AGL: variants seen among roughly 807,000 people sequenced by gnomAD.
AGL encodes the protein amylo-alpha-1,6-glucosidase and 4-alpha-glucanotransferase.
In AGL, 128 loss-of-function variants were observed where a neutral mutation model predicts 199.3. The observed-to-expected ratio is 0.64, with a 90% CI of 0.56 to 0.74. The LOEUF (loss-of-function observed/expected upper bound fraction) is 0.74, where lower values mean the gene tolerates loss of function less well. AGL is among the 30% of genes least tolerant of loss of function. AGL has a pLI of 0.00. For synonymous variants in AGL, 584 were observed against 594.7 expected (o/e 0.98, Z 0.26); for missense variants, 1,809 against 1,820.8 (o/e 0.99, Z 0.12).
chr1:99,850,896 C>T lies in AGL; in HGVS notation c.-68-79C>T. 4.0e-6 allele frequency: 3 copies of T among 745,982 alleles called. No individual in the cohort carries two copies. In the Admixed American group the frequency reaches 5.8e-5, roughly 14 times the overall value. The allele number at this position is 745,982 out of a possible 1,614,324, so 46.2% of individuals were successfully genotyped here. ...TGCTAGGCATAAAACACACTTCGAA[C>T]ATGTAAGTGCCGCTGTCAGCTCTGG... On this transcript the variant is annotated intron_variant, in intron 1 of 33. Coordinates refer to ENST00000361915, the MANE Select transcript of AGL (RefSeq NM_000642.3).
intron 4 of AGL, 44 bp downstream of exon 4, chr1:99,862,467 G>A (rs754768984): frequency 5.6e-6 from 9 of 1,595,666 alleles, no homozygotes; most frequent in Non-Finnish European, 7.7e-6. Context: ...AAAAATAAAT[G>A]TAATTATCCT....
At chr1:99,879,109 C>T (rs1651802424) in intron 12 of AGL, among the ~76,000 whole-genome samples, 1 of 152,038 alleles carries the variant, frequency 6.6e-6, no homozygotes, top group Non-Finnish European at 1.5e-5. Context: ...GTAAATCACA[C>T]AAGTGGAAAT....
chr1:99,858,873 CTTTTATA>C (rs1649793433), intron 2 of AGL, among the ~76,000 whole-genome samples: 2 of 151,792 alleles, frequency 1.3e-5, no homozygotes, highest in African/African-American at 4.8e-5. Context: ...ATTAAGTTAA[CTTTTATA>C]TTTTATAATT....
Position 99,910,785 on chromosome 1 carries a change from A to G in AGL, c.3774A>G (p.Thr1258=), listed in dbSNP as rs369393783. The G allele has an allele frequency of 5.0e-6, 8 of 1,613,252 alleles. 1 individual carries two copies. The highest frequency in any genetic ancestry group is 4.4e-5 in the South Asian group (4 of 91,028). ...VYGGNRFNCG[T]WMDKMGESDR... ...GAGGAAATCGTTTCAATTGTGGCACATGGATGGATAAAATGGGAGAAAGTG... is the reference window on the plus strand; with the variant it reads ...GAGGAAATCGTTTCAATTGTGGCACGTGGATGGATAAAATGGGAGAAAGTG... The change falls in exon 28 of 34, where the codon ACA becomes ACG. Residue 1258 remains threonine (T), a synonymous_variant. Coordinates refer to ENST00000361915, the MANE Select transcript of AGL (RefSeq NM_000642.3).
Position 99,894,160 on chromosome 1 carries a change from C to G in AGL, c.3259+1553C>G, listed in dbSNP as rs570460878. 6.1e-4 allele frequency among the ~76,000 whole-genome samples: 92 copies of G among 151,860 alleles called. 3 individuals carry two copies. In the South Asian group the frequency reaches 0.019, roughly 32 times the overall value. On this transcript the variant is annotated intron_variant, in intron 24 of 33. Coordinates refer to ENST00000361915, the MANE Select transcript of AGL (RefSeq NM_000642.3). ...CTATGATCACACCACTGCACTGCAGCCTGGGTGACAGAGGAGACCCTGTCT... is the reference window on the plus strand; with the variant it reads ...CTATGATCACACCACTGCACTGCAGGCTGGGTGACAGAGGAGACCCTGTCT...
At chr1:99,865,678 C>G (rs891121495) in intron 5 of AGL, among the ~76,000 whole-genome samples, 15 of 152,164 alleles carry the variant, frequency 9.9e-5, no homozygotes, top group Non-Finnish European at 1.5e-4. Flanking sequence ...TTGGAAACCA[C>G]TGATTTGCAT....
intron 28 of AGL, among the ~76,000 whole-genome samples, chr1:99,911,131 G>A (rs572032170): frequency 8.5e-5 from 13 of 152,258 alleles, no homozygotes; most frequent in East Asian, 3.9e-4. Context: ...AGACATTTTC[G>A]TAACCTGAAC....
In AGL at chr1:99,921,563, C is replaced by A. The variant is rs1460834864; in HGVS notation, c.4511C>A (p.Thr1504Asn). 6.2e-7 allele frequency: 1 copy of A among 1,612,836 alleles called. No individual in the cohort carries two copies. Among genetic ancestry groups the A allele is most frequent in the South Asian group, 1.1e-5 (1 of 91,062 alleles). Residue 1504 changes from threonine (T) to asparagine (N), a missense_variant, in exon 34 of 34, where the codon ACC becomes AAC. Thr to Asn is a moderately conservative substitution (Grantham distance 65, BLOSUM62 0). Coordinates refer to ENST00000361915, the MANE Select transcript of AGL (RefSeq NM_000642.3). ...CCTTGGAAAGGACTTCCAGAACTGA[C>A]CAATGAGAATGCCCAGTACTGTCCT... ...RSPWKGLPEL[T>N]NENAQYCPFS...
chr1:99,894,589 T>C (rs1451897485), intron 24 of AGL, among the ~76,000 whole-genome samples: 1 of 152,186 alleles, frequency 6.6e-6, no homozygotes, highest in African/African-American at 2.4e-5. Context: ...GGGGAAATTT[T>C]GTACCGTCAT....
At chr1:99,856,004 T>G (rs1040306615) in intron 2 of AGL, among the ~76,000 whole-genome samples, 1 of 152,220 alleles carries the variant, frequency 6.6e-6, no homozygotes, top group Non-Finnish European at 1.5e-5. Flanking sequence ...AATAATAGTT[T>G]AATCACTCAT....
chr1:99,864,291 A>T, intron 4 of AGL, 95 bp from the exon 5 acceptor site: 1 of 1,155,792 alleles, frequency 8.7e-7, no homozygotes, highest in Non-Finnish European at 1.3e-6. Flanking sequence ...TGCTATTTAT[A>T]ATTACTTAAG....
At chr1:99,920,668 A>AT (rs965188386) in intron 33 of AGL, among the ~76,000 whole-genome samples, 8 of 152,078 alleles carry the variant, frequency 5.3e-5, no homozygotes, top group African/African-American at 9.7e-5. Flanking sequence ...TAATGGGATT[A>AT]TTTTTTCCCA....
rs149393587 is a variant in AGL, at chr1:99,900,657, G to A, written c.3384G>A (p.Ala1128=). The change falls in exon 26 of 34, where the codon GCG becomes GCA. Residue 1128 remains alanine, a synonymous_variant. Coordinates refer to ENST00000361915, the MANE Select transcript of AGL (RefSeq NM_000642.3). ...VEARNIILAF[A]GTLRHGLIPN... ...TTAGGAATATTATTTTAGCATTTGC[G>A]GGTACCCTGAGGCATGGTCTCATTC... The A allele has an allele frequency of 6.9e-4, 1,116 of 1,613,698 alleles. 6 individuals carry two copies. In the African/African-American group the frequency reaches 0.012, roughly 18 times the overall value.
intron 10 of AGL, 64 bp from the exon 11 acceptor site, chr1:99,876,394 C>G: frequency 4.7e-6 from 6 of 1,264,534 alleles, no homozygotes; most frequent in Non-Finnish European, 5.5e-6. Context: ...TTTAATATTG[C>G]AAATTTATAT....
intron 25 of AGL, 122 bp downstream of exon 25, chr1:99,896,510 G>A (rs1486043957): frequency 8.8e-6 from 7 of 796,968 alleles, no homozygotes; most frequent in Non-Finnish European, 1.5e-5. Context: ...TCTTTAGGTA[G>A]TTTTTATTTT....
chr1:99,864,682 G>A, intron 5 of AGL, 93 bp downstream of exon 5: 1 of 1,094,886 alleles, frequency 9.1e-7, no homozygotes, highest in South Asian at 1.3e-5. Context: ...GAAAGAAAGA[G>A]AAAGGAAAGG....
At position 99,891,715 on chromosome 1, in the gene AGL, A is replaced by G; in HGVS notation, c.3059A>G (p.Asp1020Gly). The change falls in exon 23 of 34, where the codon GAT (aspartate) becomes GGT (glycine). Residue 1020 changes from aspartate (D) to glycine (G), a missense_variant. Physicochemically the swap from Asp to Gly is moderately conservative, Grantham distance 94 (BLOSUM62 -1). Transcript: ENST00000361915. Reference protein sequence around the residue: ...ILIGAYTTLLDTAWKQMSSFV... With the variant: ...ILIGAYTTLLGTAWKQMSSFV... ...ATTGGTGCATATACCACTCTTCTGG[A>G]TACAGCATGGAAGCAGATGTCAAGG... 6.2e-7 allele frequency: 1 copy of G among 1,613,604 alleles called. No homozygotes were observed. The highest frequency in any genetic ancestry group is 8.5e-7 in the Non-Finnish European group (1 of 1,179,632).
intron 21 of AGL, 40 bp downstream of exon 21, chr1:99,888,148 T>G (rs1234101558): frequency 3.7e-6 from 6 of 1,608,108 alleles, no homozygotes; most frequent in Non-Finnish European, 4.2e-6. Context: ...GTGTTTTTCT[T>G]TTAGGGTCAT....
intron 2 of AGL, among the ~76,000 whole-genome samples, chr1:99,853,297 C>T (rs970625341): frequency 6.6e-6 from 1 of 152,182 alleles, no homozygotes; most frequent in Non-Finnish European, 1.5e-5. Context: ...TTTACAGTTG[C>T]CCAAGTCATT....
Sources: gnomAD v4.1 joint callset for allele counts (sites outside exome capture counted in the v4.1 genomes callset) on GRCh38, gnomAD v4.1.1 for gene constraint, MANE v1.5 for transcripts, NCBI Gene and HGNC (gene_info 2026-07-23, HGNC 2026-07-21) for gene names.